ADAMTS9: variants seen among roughly 807,000 people sequenced by gnomAD.
ADAMTS9 encodes A disintegrin and metalloproteinase with thrombospondin motifs 9.
Under a neutral mutation model 257.1 loss-of-function variants are expected in ADAMTS9, and 107 were observed. The observed-to-expected ratio is 0.42, with a 90% CI of 0.36 to 0.49. ADAMTS9 has a LOEUF of 0.49. Ranked by LOEUF, ADAMTS9 falls within the 20% of genes least tolerant of loss-of-function variation. The probability of loss-of-function intolerance (pLI) is 0.03; values close to 1 mark genes in which losing one functional copy is unlikely to be tolerated. For synonymous variants in ADAMTS9, 982 were observed against 880.9 expected, an observed-to-expected ratio of 1.11 and a Z score of -2.03; for missense variants, 2,353 against 2,469.1, an observed-to-expected ratio of 0.95 and a Z score of 1.00.
Position 64,541,334 on chromosome 3 carries a change from C to A in ADAMTS9, c.5373G>T (p.Glu1791Asp). 1.2e-6 allele frequency: 2 copies of A among 1,614,168 alleles called. No individual in the cohort carries two copies. Among genetic ancestry groups the A allele is most frequent in the Non-Finnish European group, 1.7e-6 (2 of 1,180,038 alleles). Reference sequence around the variant, plus strand: ...GGCTCTCCTACCTGTGCCCATAAACCTCGGAGAAATTCTCAGAGTCTCCAT... The same window carrying A: ...GGCTCTCCTACCTGTGCCCATAAACATCGGAGAAATTCTCAGAGTCTCCAT... The part of the protein sequence containing the change: ...LVHGDSENFS[E>D]VYGHRLHNPT... Residue 1791 changes from glutamate (E) to aspartate (D), a missense_variant, in exon 35 of 40, where the codon GAG becomes GAT. Coordinates refer to ENST00000498707, the MANE Select transcript of ADAMTS9 (RefSeq NM_182920.2).
Position 64,656,679 on chromosome 3 carries a change from G to A in ADAMTS9, c.970-804C>T, listed in dbSNP as rs570515892. 1.8e-4 allele frequency among the ~76,000 whole-genome samples: 28 copies of A among 152,184 alleles called. No homozygotes were observed. In the South Asian group the frequency reaches 3.7e-3, roughly 20 times the overall value. On this transcript the variant is annotated intron_variant, in intron 4 of 39. Coordinates refer to ENST00000498707, the MANE Select transcript of ADAMTS9 (RefSeq NM_182920.2). ...GGTGAAAATGAGGCTGTGCATATGC[G>A]CAGGGCCTGATTAGATGTTCCCTTC...
At chr3:64,605,478 T>G (rs1471205730) in intron 23 of ADAMTS9, among the ~76,000 whole-genome samples, 2 of 152,224 alleles carry the variant, frequency 1.3e-5, no homozygotes, top group African/African-American at 4.8e-5. Context: ...TTAACACTCT[T>G]TATCCATTAA....
Position 64,686,699 on chromosome 3 carries a change from G to A in ADAMTS9, c.385C>T (p.Leu129Phe), listed in dbSNP as rs1336918094. ...FIAPLFTVTL[L>F]GTPGVNQTKF... Reference sequence around the variant, plus strand: ...GTCTGATTCACCCCGGGCGTCCCGAGGAGGGTGACAGTGAACAGTGGAGCG... The same window carrying A: ...GTCTGATTCACCCCGGGCGTCCCGAAGAGGGTGACAGTGAACAGTGGAGCG... The change falls in exon 2 of 40, where the codon CTC (leucine) becomes TTC (phenylalanine). Residue 129 changes from leucine (L) to phenylalanine (F), a missense_variant. Physicochemically the swap from Leu to Phe is conservative, Grantham distance 22. Transcript: ENST00000498707. The surrounding 1 kb of genome is among the most constrained non-coding windows in gnomAD (Gnocchi z 4.6). The A allele has an allele frequency of 6.2e-7, 1 of 1,614,218 alleles. No individual in the cohort carries two copies. Among genetic ancestry groups the A allele is most frequent in the Admixed American group, 1.7e-5 (1 of 60,032 alleles).
intron 30 of ADAMTS9, among the ~76,000 whole-genome samples, 166 bp from the exon 31 acceptor site, chr3:64,551,228 G>A (rs1470181465): frequency 6.6e-6 from 1 of 151,858 alleles, no homozygotes; most frequent in Non-Finnish European, 1.5e-5. Flanking sequence ...TATTTTTTTT[G>A]AGATGGAGTC....
chr3:64,651,169 G>A lies in ADAMTS9; in HGVS notation c.1317-6C>T. On this transcript the variant is annotated splice_region_variant and splice_polypyrimidine_tract_variant and intron_variant, in intron 8 of 39. Coordinates refer to ENST00000498707, the MANE Select transcript of ADAMTS9 (RefSeq NM_182920.2). Reference sequence around the variant, plus strand: ...CATCATGAGGCATGTTAAACCTAAAGCCAATGAGACAATGATGAGAATGTC... The same window carrying A: ...CATCATGAGGCATGTTAAACCTAAAACCAATGAGACAATGATGAGAATGTC... 6.4e-7 allele frequency: 1 copy of A among 1,564,606 alleles called. No homozygotes were observed. Among genetic ancestry groups the A allele is most frequent in the Non-Finnish European group, 8.6e-7 (1 of 1,162,320 alleles).
chr3:64,519,250 T>C (rs925354836), intron 39 of ADAMTS9, among the ~76,000 whole-genome samples: 1 of 152,200 alleles, frequency 6.6e-6, no homozygotes. Flanking sequence ...AAGGATGAGC[T>C]GTGATTCACT....
intron 28 of ADAMTS9, among the ~76,000 whole-genome samples, chr3:64,581,031 T>A (rs2106742283): frequency 6.6e-6 from 1 of 152,326 alleles, no homozygotes; most frequent in Non-Finnish European, 1.5e-5. Flanking sequence ...ATCTCAGTTT[T>A]CCTGTCCGCA....
At chr3:64,526,158 T>C (rs2082907955) in intron 38 of ADAMTS9, among the ~76,000 whole-genome samples, 1 of 134,850 alleles carries the variant, frequency 7.4e-6, no homozygotes, top group Admixed American at 7.2e-5. Flanking sequence ...TATTTCAAAA[T>C]AGCTAGAAGA....
intron 11 of ADAMTS9, among the ~76,000 whole-genome samples, chr3:64,642,448 A>G (rs1030954777): frequency 5.0e-5 from 7 of 139,454 alleles, no homozygotes; most frequent in Admixed American, 1.4e-4. Context: ...GAGAGGGGGG[A>G]AAAAAAAAGC....
intron 26 of ADAMTS9, 120 bp from the exon 27 acceptor site, chr3:64,597,111 G>A (rs11716406): frequency 1.6e-4 from 221 of 1,356,956 alleles, no homozygotes; most frequent in Non-Finnish European, 2.1e-4. Context: ...ATCCACGAAG[G>A]ACAAAAAGCA....
chr3:64,602,138 G>C lies in ADAMTS9; in HGVS notation c.3823C>G (p.Arg1275Gly), dbSNP rs371237082. ...ATATAATCCTGGTCACACTCACTCC[G>C]ATCGATCACGTGGTCACTGTAGTTG... ...CVNYSDHVID[R>G]SECDQDYIPE... The change falls in exon 26 of 40, where the codon CGG becomes GGG. Residue 1275 changes from arginine to glycine, a missense_variant. Transcript: ENST00000498707. The C allele has an allele frequency of 6.2e-7, 1 of 1,614,080 alleles. No homozygotes were observed. The highest frequency in any genetic ancestry group is 8.5e-7 in the Non-Finnish European group (1 of 1,179,996).
At chr3:64,561,397 C>A (rs2083419915) in intron 30 of ADAMTS9, 181 bp downstream of exon 30, 9 of 411,870 alleles carry the variant, frequency 2.2e-5, no homozygotes, top group South Asian at 5.8e-5. Flanking sequence ...TGCTTAAAAA[C>A]AAGAAGTTCT....
intron 32 of ADAMTS9, among the ~76,000 whole-genome samples, chr3:64,542,970 A>G (rs1382113906): frequency 6.6e-6 from 1 of 152,224 alleles, no homozygotes; most frequent in Non-Finnish European, 1.5e-5. Context: ...AACTACCATC[A>G]GAGAACACTA....
At chr3:64,567,761 A>G (rs549333063) in intron 29 of ADAMTS9, among the ~76,000 whole-genome samples, 1 of 151,700 alleles carries the variant, frequency 6.6e-6, no homozygotes, top group South Asian at 2.1e-4. Context: ...TTGAGAGCCT[A>G]CTAGATTGAA....
intron 4 of ADAMTS9, 72 bp downstream of exon 4, chr3:64,658,430 A>C: frequency 6.8e-7 from 1 of 1,464,056 alleles, no homozygotes; most frequent in South Asian, 1.3e-5. Context: ...CCTCCAAAGC[A>C]CTGAGTGGAA....
rs1439900574 is a variant in ADAMTS9 at position 64,607,068 on chromosome 3, A to G, written c.3366T>C (p.Thr1122=). ...QAGPWGQCSV[T]CGQGYQLRAV... Reference sequence around the variant, plus strand: ...CTCTTAGCTGGTATCCCTGTCCACAAGTGACACTGCACTGGAAGAAGGAGG... The same window carrying G: ...CTCTTAGCTGGTATCCCTGTCCACAGGTGACACTGCACTGGAAGAAGGAGG... The change falls in exon 23 of 40, where the codon ACT becomes ACC. Residue 1122 remains threonine (T), a synonymous_variant. Coordinates refer to ENST00000498707, the MANE Select transcript of ADAMTS9 (RefSeq NM_182920.2). 10 of 1,613,696 alleles carry G rather than the reference A, an allele frequency of 6.2e-6. No homozygotes were observed. In the African/African-American group the frequency reaches 1.1e-4, roughly 17 times the overall value.
chr3:64,550,769 C>T, intron 31 of ADAMTS9, 123 bp downstream of exon 31: 1 of 1,216,552 alleles, frequency 8.2e-7, no homozygotes, highest in Non-Finnish European at 1.2e-6. Context: ...ACACAGTTCA[C>T]AGTGGCAAAT....
At chr3:64,655,306 C>CA (rs1458837335) in intron 6 of ADAMTS9, among the ~76,000 whole-genome samples, 4 of 152,308 alleles carry the variant, frequency 2.6e-5, no homozygotes, top group Admixed American at 2.6e-4. Flanking sequence ...CAAGGTGATT[C>CA]TGCCCTCCCC....
intron 22 of ADAMTS9, among the ~76,000 whole-genome samples, chr3:64,612,840 T>G (rs1559791694): frequency 6.6e-6 from 1 of 152,204 alleles, no homozygotes; most frequent in Non-Finnish European, 1.5e-5. Flanking sequence ...TGGAAAAGAT[T>G]ATTTCCAAGC....
Sources: gnomAD v4.1 joint callset for allele counts (sites outside exome capture counted in the v4.1 genomes callset) on GRCh38, gnomAD v4.1.1 for gene constraint, Gnocchi (gnomAD v3.1) non-coding constraint, MANE v1.5 for transcripts, NCBI Gene and HGNC (gene_info 2026-07-23, HGNC 2026-07-21) for gene names.